The following DIP2A variants were observed in gnomAD, a reference collection of about 807,000 sequenced individuals.
DIP2A encodes DIP2 acetate--CoA ligase A, also known as disco-interacting protein 2 homolog A.
DIP2A carries 85 observed loss-of-function variants against 177.4 expected under a neutral mutation model. That is an observed-to-expected ratio of 0.48 (90% CI 0.40 to 0.57). The LOEUF is 0.57. Among genes scored for constraint, DIP2A ranks in the 20% least tolerant of loss-of-function variants. The pLI is 0.00. For missense variants in DIP2A, 1,791 were observed against 2,100.2 expected, an observed-to-expected ratio of 0.85 and a Z score of 2.88; for synonymous variants, 886 against 881.8, an observed-to-expected ratio of 1.00 and a Z score of -0.08.
At chr21:46,565,934 C>T in intron 36 of DIP2A, 47 bp downstream of exon 36, 3 of 1,602,440 alleles carry the variant, frequency 1.9e-6, no homozygotes, top group Non-Finnish European at 2.6e-6. Flanking sequence ...GCGGGGAGGA[C>T]CTGGGCTCCC....
intron 8 of DIP2A, among the ~76,000 whole-genome samples, chr21:46,513,444 G>T (rs573814046): frequency 1.3e-5 from 2 of 152,218 alleles, no homozygotes; most frequent in East Asian, 3.9e-4. Flanking sequence ...GCTCCTGTTG[G>T]CGGGGGGTGT....
At chr21:46,477,530 TA>T (rs112629039) in intron 1 of DIP2A, among the ~76,000 whole-genome samples, 3 of 140,598 alleles carry the variant, frequency 2.1e-5, no homozygotes, top group South Asian at 4.8e-4. Flanking sequence ...CCGCCTAAAA[TA>T]AAAAAAAAGA....
chr21:46,528,240 A>G (rs2059188668), intron 8 of DIP2A, among the ~76,000 whole-genome samples: 1 of 152,156 alleles, frequency 6.6e-6, no homozygotes, highest in Non-Finnish European at 1.5e-5. Context: ...AATTTAACAT[A>G]TTAAATTAGG....
chr21:46,558,530 T>C (rs764129769), intron 32 of DIP2A, 137 bp downstream of exon 32: 2 of 843,144 alleles, frequency 2.4e-6, no homozygotes. Flanking sequence ...CTCATTTCCA[T>C]GTAACATTTT....
chr21:46,497,082 G>A lies in DIP2A; in HGVS notation c.378G>A (p.Ser126=), dbSNP rs181610004. Residue 126 remains serine, a synonymous_variant, in exon 4 of 38, where the codon TCG becomes TCA. Transcript: ENST00000417564. ...AGAGACGTTCTGTCCTTGTGCATTC[G>A]TCTGTGGAAACCTACACCCCTCCAG... is the stretch of plus-strand genomic sequence containing the variant. ...PSKRRSVLVH[S]SVETYTPPDT... 5.0e-4 allele frequency: 799 copies of A among 1,613,784 alleles called. 1 individual carries two copies. Among genetic ancestry groups the A allele is most frequent in the South Asian group, 9.3e-4 (85 of 91,020 alleles).
intron 2 of DIP2A, among the ~76,000 whole-genome samples, chr21:46,489,017 C>T (rs959674218): frequency 2.6e-5 from 4 of 152,164 alleles, no homozygotes; most frequent in Non-Finnish European, 5.9e-5. Context: ...TATCCAGTCA[C>T]AAAAAGCCAA....
chr21:46,557,215 G>T lies in DIP2A; in HGVS notation c.3629+146G>T. ...GTTTGTTTGGGGATGAAGTGGGTTG[G>T]AGTCTGAGTCTGAAATTGAGTGAAA... On this transcript the variant is annotated intron_variant, in intron 30 of 37. Coordinates refer to ENST00000417564, the MANE Select transcript of DIP2A (RefSeq NM_015151.4). The surrounding 1 kb of genome is among the most constrained non-coding windows in gnomAD (Gnocchi z 6.0). The T allele has an allele frequency of 1.2e-6, 1 of 862,776 alleles. No individual in the cohort carries two copies. Among genetic ancestry groups the T allele is most frequent in the Non-Finnish European group, 1.7e-6 (1 of 580,364 alleles). The allele number at this position is 862,776 out of a possible 1,614,324, so 53.4% of individuals were successfully genotyped here. A position where few individuals can be genotyped will look rare whatever the true frequency, so the allele number is the denominator to read the frequency against.
Position 46,565,804 on chromosome 21 carries a change from G to A in DIP2A, c.4256G>A (p.Ser1419Asn). 1.9e-6 allele frequency: 3 copies of A among 1,614,010 alleles called. No individual in the cohort carries two copies. Among genetic ancestry groups the A allele is most frequent in the Non-Finnish European group, 2.5e-6 (3 of 1,179,900 alleles). Residue 1419 changes from serine (S) to asparagine (N), a missense_variant, in exon 36 of 38, where the codon AGT becomes AAT. Coordinates refer to ENST00000417564, the MANE Select transcript of DIP2A (RefSeq NM_015151.4). Reference sequence around the variant, plus strand: ...GCCGACCACTTCAGTGCCCGGCTGAGTTTTGGAGACACACAGACCATCTGG... The same window carrying A: ...GCCGACCACTTCAGTGCCCGGCTGAATTTTGGAGACACACAGACCATCTGG... ...LHADHFSARL[S>N]FGDTQTIWAR...
chr21:46,476,965 C>T (rs751379221), intron 1 of DIP2A, among the ~76,000 whole-genome samples: 3 of 152,056 alleles, frequency 2.0e-5, no homozygotes, highest in Admixed American at 1.3e-4. Flanking sequence ...CTCGTAGCAT[C>T]GCTCTTAATC....
chr21:46,480,409 T>C (rs1191198129), intron 1 of DIP2A, among the ~76,000 whole-genome samples: 1 of 152,006 alleles, frequency 6.6e-6, no homozygotes, highest in African/African-American at 2.4e-5. Context: ...CCATGACACG[T>C]GGGGATTATT....
At position 46,565,692 on chromosome 21, in the gene DIP2A, C is replaced by G. The variant is rs2060814868; in HGVS notation, c.4165-21C>G. The G allele has an allele frequency of 1.9e-6, 3 of 1,604,956 alleles. No individual in the cohort carries two copies. The South Asian group carries it at 3.3e-5, about 18-fold the overall frequency. On this transcript the variant is annotated intron_variant, in intron 35 of 37. Transcript: ENST00000417564. ...TCGGTGGTTGGTAACACATCACATTCTTGTCCTCTGGGCCCACCAGATCTG... is the reference window on the plus strand; with the variant it reads ...TCGGTGGTTGGTAACACATCACATTGTTGTCCTCTGGGCCCACCAGATCTG...
chr21:46,551,976 A>G, intron 25 of DIP2A, 72 bp downstream of exon 25: 1 of 1,476,960 alleles, frequency 6.8e-7, no homozygotes. Context: ...TGTCTAGTTC[A>G]TGGTGCCAGT....
chr21:46,557,810 TA>T lies in DIP2A; in HGVS notation c.3798+62del. 1 of 1,558,302 alleles carries T rather than the reference TA, an allele frequency of 6.4e-7. No homozygotes were observed. Among genetic ancestry groups the T allele is most frequent in the Non-Finnish European group, 8.7e-7 (1 of 1,146,136 alleles). ...CTGCAGACCACAGCCCTGGGAAGTTTAAAAACAACAAAACAAAACAAGACTC... is the reference window on the plus strand; with the variant it reads ...CTGCAGACCACAGCCCTGGGAAGTTTAAAACAACAAAACAAAACAAGACTC... On this transcript the variant is annotated intron_variant, in intron 31 of 37. Coordinates refer to ENST00000417564, the MANE Select transcript of DIP2A (RefSeq NM_015151.4). This position sits in a 1 kb window ranked among gnomAD's most constrained non-coding sequence, Gnocchi z 6.0.
chr21:46,511,880 C>T (rs2058329730), intron 8 of DIP2A, among the ~76,000 whole-genome samples: 1 of 152,110 alleles, frequency 6.6e-6, no homozygotes, highest in Non-Finnish European at 1.5e-5. Flanking sequence ...GTCTTATTTT[C>T]AACTTTGTAT....
At chr21:46,509,045 C>A (rs1000379283) in intron 6 of DIP2A, among the ~76,000 whole-genome samples, 2 of 151,616 alleles carry the variant, frequency 1.3e-5, no homozygotes, top group Non-Finnish European at 3.0e-5. Context: ...CAAAAAAAAA[C>A]CTGCTAGCTT....
intron 1 of DIP2A, among the ~76,000 whole-genome samples, chr21:46,470,858 G>A (rs1336407910): frequency 6.6e-6 from 1 of 151,166 alleles, no homozygotes; most frequent in Admixed American, 6.6e-5. Flanking sequence ...GAACCCAGGA[G>A]GCGGAGGTTG....
rs1601837436 is a variant in DIP2A at position 46,557,296 on chromosome 21, G to C, written c.3629+227G>C. The C allele has an allele frequency of 1.6e-6, 1 of 633,350 alleles. No homozygotes were observed. Among genetic ancestry groups the C allele is most frequent in the African/African-American group, 1.8e-5 (1 of 54,730 alleles). The allele number at this position is 633,350 out of a possible 1,614,324, so 39.2% of individuals were successfully genotyped here. A position where few individuals can be genotyped will look rare whatever the true frequency, so the allele number is the denominator to read the frequency against. On this transcript the variant is annotated intron_variant, in intron 30 of 37. Transcript: ENST00000417564. The surrounding 1 kb of genome is among the most constrained non-coding windows in gnomAD (Gnocchi z 6.0). ...ATCAGTACTTGGGAAGAATCTGCTT[G>C]ATTCCTTCAAACACTAGAAAGTGGC...
chr21:46,577,711 C>G, the DIP2A span, among the ~76,000 whole-genome samples: 1 of 152,036 alleles, frequency 6.6e-6, no homozygotes, highest in South Asian at 2.1e-4. Flanking sequence ...TGAATCTATA[C>G]ATTACTTTGG....
At chr21:46,546,040 C>T in intron 20 of DIP2A, 79 bp downstream of exon 20, 2 of 1,601,408 alleles carry the variant, frequency 1.2e-6, no homozygotes, top group East Asian at 2.2e-5. Context: ...GTTGCAGCCC[C>T]ACCCTTGTCC....
Sources: allele counts gnomAD v4.1 joint callset (sites outside exome capture counted in the v4.1 genomes callset), GRCh38; gene constraint gnomAD v4.1.1; non-coding constraint Gnocchi (gnomAD v3.1); transcripts MANE v1.5; gene names NCBI Gene and HGNC (gene_info 2026-07-23, HGNC 2026-07-21).